Variants in TXNL1 observed in about 807,000 individuals in gnomAD.
TXNL1 encodes the protein thioredoxin like 1.
TXNL1 carries 14 observed loss-of-function variants against 35.5 expected under a neutral mutation model. The ratio of observed to expected loss-of-function variants is 0.39; its 90% CI spans 0.26 to 0.62. The LOEUF is 0.62. Ranked by LOEUF, TXNL1 falls within the 20% of genes least tolerant of loss-of-function variation. TXNL1 has a pLI of 0.47. For synonymous variants in TXNL1, 110 were observed against 115.5 expected, an observed-to-expected ratio of 0.95 and a Z score of 0.31; for missense variants, 263 against 349.7, an observed-to-expected ratio of 0.75 and a Z score of 1.98.
chr18:56,636,671 G>GA (rs768067520), intron 1 of TXNL1, among the ~76,000 whole-genome samples: 18 of 152,196 alleles, frequency 1.2e-4, no homozygotes, highest in Non-Finnish European at 2.2e-4. Flanking sequence ...CACACTGATA[G>GA]AAAAAACCTT....
intron 1 of TXNL1, among the ~76,000 whole-genome samples, chr18:56,626,952 A>C (rs2024295005): frequency 6.7e-6 from 1 of 148,978 alleles, no homozygotes; most frequent in Non-Finnish European, 1.5e-5. Flanking sequence ...CTACAGGTGC[A>C]TGCCACCACA....
chr18:56,635,799 A>C (rs191606585), intron 1 of TXNL1, among the ~76,000 whole-genome samples: 1 of 152,324 alleles, frequency 6.6e-6, no homozygotes, highest in Admixed American at 6.5e-5. Context: ...CTCCAGCAAG[A>C]CACTAAATCA....
intron 3 of TXNL1, among the ~76,000 whole-genome samples, chr18:56,622,831 G>T (rs2024210563): frequency 6.6e-6 from 1 of 152,110 alleles, no homozygotes; most frequent in African/African-American, 2.4e-5. Context: ...CTGTCCAAAA[G>T]ATGTAACAAC....
intron 4 of TXNL1, among the ~76,000 whole-genome samples, chr18:56,617,801 C>T (rs2024114424): frequency 6.6e-6 from 1 of 152,118 alleles, no homozygotes; most frequent in South Asian, 2.1e-4. Context: ...TTTCTTAGTG[C>T]ACCTGGCAGC....
In TXNL1 at chr18:56,615,025, A is replaced by G. The variant is rs559071113; in HGVS notation, c.563-429T>C. Among the ~76,000 whole-genome samples the G allele has an allele frequency of 3.9e-5, 6 of 152,366 alleles. No individual in the cohort carries two copies. In the South Asian group the frequency reaches 1.2e-3, roughly 32 times the overall value. ...TTTGAGCTAGATCTTATAGTTGCCAATAGTTGGTACATTCAGTTATTTAGG... is the reference window on the plus strand; with the variant it reads ...TTTGAGCTAGATCTTATAGTTGCCAGTAGTTGGTACATTCAGTTATTTAGG... On this transcript the variant is annotated intron_variant, in intron 5 of 7. Transcript: ENST00000217515.
chr18:56,625,461 G>A (rs752008923), intron 2 of TXNL1, among the ~76,000 whole-genome samples: 20 of 151,706 alleles, frequency 1.3e-4, no homozygotes, highest in Non-Finnish European at 2.4e-4. Context: ...TATACTTTCC[G>A]TACATATCAA....
rs1266649944 is a variant in TXNL1, at chr18:56,624,588, GTTAT to G, written c.196-131_196-128del. ...AAAACATGTAAAATACTGCATTTTTGTTATTTAAGGAAAAAATAGACCTATTCCT... is the reference window on the plus strand; with the variant it reads ...AAAACATGTAAAATACTGCATTTTTGTTAAGGAAAAAATAGACCTATTCCT... On this transcript the variant is annotated intron_variant, in intron 2 of 7. Coordinates refer to ENST00000217515, the MANE Select transcript of TXNL1 (RefSeq NM_004786.3). The G allele has an allele frequency of 2.8e-6, 3 of 1,088,238 alleles. No individual in the cohort carries two copies. In the African/African-American group the frequency reaches 4.7e-5, roughly 17 times the overall value. 67.4% of individuals were successfully genotyped at this position (1,088,238 alleles called of 1,614,324 possible).
At position 56,626,592 on chromosome 18, in the gene TXNL1, T is replaced by G. The variant is rs570344907; in HGVS notation, c.99-135A>C. The G allele has an allele frequency of 3.1e-4, 263 of 851,748 alleles. 1 individual carries two copies. The South Asian group carries it at 3.3e-3, about 11-fold the overall frequency. 52.8% of individuals were successfully genotyped at this position (851,748 alleles called of 1,614,324 possible). ...TCTGTTTTTTTTGTTTTGTTTTGTT[T>G]TTTGCTTTAGACAGAGTCTCACTCT... On this transcript the variant is annotated intron_variant, in intron 1 of 7. Coordinates refer to ENST00000217515, the MANE Select transcript of TXNL1 (RefSeq NM_004786.3).
chr18:56,616,197 G>C, intron 5 of TXNL1, 48 bp downstream of exon 5: 1 of 1,513,270 alleles, frequency 6.6e-7, no homozygotes, highest in South Asian at 1.2e-5. Context: ...TATGCTAACA[G>C]TTCTACAAAG....
intron 7 of TXNL1, chr18:56,605,182 C>T (rs2023870308): frequency 1.3e-5 from 2 of 152,076 alleles, no homozygotes; most frequent in African/African-American, 4.8e-5. Context: ...TTGAGGAAAC[C>T]TAGGTAACAA....
chr18:56,620,786 G>A (rs2024167028), intron 3 of TXNL1, among the ~76,000 whole-genome samples: 1 of 152,152 alleles, frequency 6.6e-6, no homozygotes, highest in Non-Finnish European at 1.5e-5. Flanking sequence ...AGAAAACTTT[G>A]TATGTCAAGT....
In TXNL1 at chr18:56,600,910, C is replaced by T. The variant is rs2023802576; in HGVS notation, c.*2117G>A. On this transcript the variant is annotated 3_prime_UTR_variant, in exon 8 of 8. Transcript: ENST00000217515. Reference sequence around the variant, plus strand: ...ACGATATTTCACTGTTGTTTCTCATCAAAAGCACCTGATGTCAATGTATCA... The same window carrying T: ...ACGATATTTCACTGTTGTTTCTCATTAAAAGCACCTGATGTCAATGTATCA... 6.6e-6 allele frequency: 1 copy of T among 152,176 alleles called. No homozygotes were observed. The highest frequency in any genetic ancestry group is 1.5e-5 in the Non-Finnish European group (1 of 68,016). The allele number at this position is 152,176 out of a possible 1,614,324, so 9.4% of individuals were successfully genotyped here. A position where few individuals can be genotyped will look rare whatever the true frequency, so the allele number is the denominator to read the frequency against.
chr18:56,616,670 C>T (rs1318764066), intron 4 of TXNL1, among the ~76,000 whole-genome samples: 1 of 152,136 alleles, frequency 6.6e-6, no homozygotes, highest in East Asian at 1.9e-4. Context: ...TAGCACATAG[C>T]TCTACGATGG....
At chr18:56,606,771 T>C (rs566346055) in intron 7 of TXNL1, among the ~76,000 whole-genome samples, 1 of 152,374 alleles carries the variant, frequency 6.6e-6, no homozygotes, top group East Asian at 1.9e-4. Context: ...TCTACAAGAA[T>C]ATAAACTGCT....
At chr18:56,618,161 T>C (rs1238831935) in intron 3 of TXNL1, 35 bp from the exon 4 acceptor site, 1 of 1,599,316 alleles carries the variant, frequency 6.3e-7, no homozygotes, top group African/African-American at 1.3e-5. Flanking sequence ...GGCAACATAT[T>C]TGGATTAGGT....
At chr18:56,629,469 G>A (rs573447294) in intron 1 of TXNL1, among the ~76,000 whole-genome samples, 2 of 152,228 alleles carry the variant, frequency 1.3e-5, no homozygotes, top group Admixed American at 6.5e-5. Context: ...CGGAGGTTGC[G>A]GTGAGCCAAG....
rs544810366 is a variant in TXNL1 at position 56,607,318 on chromosome 18, G to A, written c.840+3675C>T. Among the ~76,000 whole-genome samples the A allele has an allele frequency of 2.0e-4, 31 of 151,488 alleles. 1 individual carries two copies. The South Asian group carries it at 6.3e-3, about 31-fold the overall frequency. On this transcript the variant is annotated intron_variant, in intron 7 of 7. Coordinates refer to ENST00000217515, the MANE Select transcript of TXNL1 (RefSeq NM_004786.3). ...CAGGTGCACCCACCGTCTTGCATGGGTAATTTTTTTTTTTTTTTAAATAGA... is the reference window on the plus strand; with the variant it reads ...CAGGTGCACCCACCGTCTTGCATGGATAATTTTTTTTTTTTTTTAAATAGA...
rs778267417 is a variant in TXNL1 at position 56,610,884 on chromosome 18, A to G, written c.840+109T>C. ...GCCTTGTAAAATTTCATGACATGAT[A>G]TAATTTTGAATTATTTTGTTAAAAG... On this transcript the variant is annotated intron_variant, in intron 7 of 7. Coordinates refer to ENST00000217515, the MANE Select transcript of TXNL1 (RefSeq NM_004786.3). The G allele has an allele frequency of 4.4e-5, 31 of 700,968 alleles. 2 individuals carry two copies. The Middle Eastern group carries it at 9.1e-4, about 20-fold the overall frequency. 43.4% of individuals were successfully genotyped at this position (700,968 alleles called of 1,614,324 possible).
At chr18:56,628,703 G>C (rs2024324831) in intron 1 of TXNL1, among the ~76,000 whole-genome samples, 1 of 152,146 alleles carries the variant, frequency 6.6e-6, no homozygotes, top group African/African-American at 2.4e-5. Context: ...GCAATGTTTT[G>C]TTTGTCTGGA....
Sources: gnomAD v4.1 joint callset for allele counts (sites outside exome capture counted in the v4.1 genomes callset) on GRCh38, gnomAD v4.1.1 for gene constraint, MANE v1.5 for transcripts, NCBI Gene and HGNC (gene_info 2026-07-23, HGNC 2026-07-21) for gene names.